Variants in BICRAL observed in about 807,000 individuals in gnomAD.
BICRAL encodes BRD4-interacting chromatin-remodeling complex-associated protein-like.
In BICRAL, 8 loss-of-function variants were observed where a neutral mutation model predicts 91.8. That is an observed-to-expected ratio of 0.09 (90% CI 0.05 to 0.16). BICRAL has a LOEUF of 0.16. Among genes scored for constraint, BICRAL ranks in the 10% least tolerant of loss-of-function variants. The probability of loss-of-function intolerance (pLI) is 1.00; values close to 1 mark genes in which losing one functional copy is unlikely to be tolerated. For synonymous variants in BICRAL, 445 were observed against 491.1 expected (o/e 0.91, Z 1.24); for missense variants, 1,038 against 1,310.9 (o/e 0.79, Z 3.21).
intron 11 of BICRAL, 111 bp downstream of exon 11, chr6:42,860,467 A>G: frequency 1.5e-6 from 1 of 645,388 alleles, no homozygotes; most frequent in Non-Finnish European, 2.7e-6. Context: ...AGTAACAGAT[A>G]TTTCACACTG....
intron 9 of BICRAL, among the ~76,000 whole-genome samples, chr6:42,856,817 G>C (rs769130120): frequency 6.6e-6 from 1 of 152,086 alleles, no homozygotes; most frequent in Non-Finnish European, 1.5e-5. Flanking sequence ...CATGAACTTA[G>C]TTGGCCAATG....
At chr6:42,862,436 T>G in intron 11 of BICRAL, 74 bp from the exon 12 acceptor site, 1 of 929,264 alleles carries the variant, frequency 1.1e-6, no homozygotes, top group Non-Finnish European at 1.8e-6. Flanking sequence ...TGTACCAATG[T>G]GTAAATTATT....
rs1279258742 is a variant in BICRAL, at chr6:42,830,183, T to G, written c.1839+11T>G. ...CAATTCTTCTGCCAGGTAATGCCCT[T>G]TCCCAAATAAATATTTGGCTGATTA... On this transcript the variant is annotated intron_variant, in intron 6 of 12. Transcript: ENST00000314073. 1.2e-6 allele frequency: 2 copies of G among 1,611,852 alleles called. No individual in the cohort carries two copies. Among genetic ancestry groups the G allele is most frequent in the East Asian group, 4.5e-5 (2 of 44,874 alleles).
intron 6 of BICRAL, among the ~76,000 whole-genome samples, chr6:42,840,797 G>A (rs1345263127): frequency 6.6e-6 from 1 of 151,852 alleles, no homozygotes; most frequent in Middle Eastern, 3.2e-3. Context: ...GAGCAGGCAG[G>A]GCGCAGTGGC....
intron 6 of BICRAL, among the ~76,000 whole-genome samples, chr6:42,835,479 A>G (rs1764612224): frequency 6.6e-6 from 1 of 151,732 alleles, no homozygotes; most frequent in African/African-American, 2.4e-5. Flanking sequence ...ATGTTTATTT[A>G]CTTACTTGTT....
chr6:42,833,331 A>G (rs1027214206), intron 6 of BICRAL, among the ~76,000 whole-genome samples: 14 of 152,016 alleles, frequency 9.2e-5, no homozygotes, highest in Admixed American at 9.2e-4. Context: ...TACAGGCGTG[A>G]GCCACCGCGC....
intron 2 of BICRAL, among the ~76,000 whole-genome samples, chr6:42,819,946 A>G (rs1477559429): frequency 1.3e-5 from 2 of 151,762 alleles, no homozygotes; most frequent in Non-Finnish European, 2.9e-5. Flanking sequence ...CAAGTGTTTG[A>G]CTCCCTGTTT....
At chr6:42,771,901 C>T (rs1762742569) in intron 1 of BICRAL, among the ~76,000 whole-genome samples, 1 of 152,066 alleles carries the variant, frequency 6.6e-6, no homozygotes, top group African/African-American at 2.4e-5. Context: ...CTCCAATATT[C>T]GCATTTCTGC....
At chr6:42,776,979 G>T (rs1285169760) in intron 1 of BICRAL, among the ~76,000 whole-genome samples, 1 of 152,124 alleles carries the variant, frequency 6.6e-6, no homozygotes, top group Admixed American at 6.5e-5. Flanking sequence ...TGCTTTTATT[G>T]CAAAAGCATT....
intron 1 of BICRAL, among the ~76,000 whole-genome samples, chr6:42,749,642 G>A (rs1762343700): frequency 6.6e-6 from 1 of 151,928 alleles, no homozygotes; most frequent in South Asian, 2.1e-4. Flanking sequence ...AATATCACAT[G>A]TACCTCATAA....
At chr6:42,825,339 C>T (rs1364830809) in intron 5 of BICRAL, among the ~76,000 whole-genome samples, 3 of 148,632 alleles carry the variant, frequency 2.0e-5, no homozygotes, top group South Asian at 2.1e-4. Flanking sequence ...CCGAGGTGGG[C>T]GGATCATGAG....
intron 6 of BICRAL, among the ~76,000 whole-genome samples, chr6:42,836,851 A>G (rs1055769739): frequency 1.3e-5 from 2 of 151,622 alleles, no homozygotes; most frequent in Non-Finnish European, 2.9e-5. Context: ...CAAACTCCTG[A>G]CCTAGTGCTC....
chr6:42,808,257 G>A (rs1464808257), intron 1 of BICRAL, among the ~76,000 whole-genome samples: 4 of 151,558 alleles, frequency 2.6e-5, no homozygotes, highest in African/African-American at 9.7e-5. Flanking sequence ...TCAGCCTCCC[G>A]AGTAGCTGGG....
At chr6:42,785,282 T>C (rs377653719) in intron 1 of BICRAL, among the ~76,000 whole-genome samples, 6 of 152,060 alleles carry the variant, frequency 3.9e-5, no homozygotes, top group African/African-American at 1.2e-4. Flanking sequence ...CCTTGAGGCC[T>C]GGCACGGTGG....
chr6:42,822,901 G>A, intron 4 of BICRAL, 34 bp from the exon 5 acceptor site: 3 of 1,540,626 alleles, frequency 1.9e-6, no homozygotes, highest in Non-Finnish European at 2.7e-6. Flanking sequence ...TACAGTTAAA[G>A]TAGTAACCAC....
rs1765388216 is a variant in BICRAL at position 42,857,158 on chromosome 6, C to G, written c.2176C>G (p.Leu726Val). The G allele has an allele frequency of 1.9e-6, 3 of 1,612,720 alleles. No homozygotes were observed. The highest frequency in any genetic ancestry group is 2.2e-5 in the East Asian group (1 of 44,896). ...ACCAGACAAAAGTCACTTCCGATCA[C>G]TAAGTGATGCGGTACAGAGACTGCT... ...VTPDKSHFRS[L>V]SDAVQRLLSY... The change falls in exon 10 of 13, where the codon CTA (leucine) becomes GTA (valine). Residue 726 changes from leucine (L) to valine (V), a missense_variant. Leu to Val is a conservative substitution (Grantham distance 32). This residue lies in a region of BICRAL where 294 missense variants were observed against 292.6 expected (regional missense o/e 1.00). Transcript: ENST00000314073.
At chr6:42,788,437 G>T (rs373865390) in intron 1 of BICRAL, among the ~76,000 whole-genome samples, 1 of 152,060 alleles carries the variant, frequency 6.6e-6, no homozygotes, top group East Asian at 1.9e-4. Context: ...AGCCAGGCTG[G>T]TCTCGAACTC....
intron 2 of BICRAL, among the ~76,000 whole-genome samples, chr6:42,814,526 T>A (rs369072874): frequency 0.19 from 20,249 of 108,276 alleles, 1,669 homozygotes; most frequent in South Asian, 0.29. Flanking sequence ...TATATTTTTT[T>A]TTTTTTTTTT....
At chr6:42,772,504 T>C (rs1463792560) in intron 1 of BICRAL, among the ~76,000 whole-genome samples, 1 of 152,144 alleles carries the variant, frequency 6.6e-6, no homozygotes, top group Non-Finnish European at 1.5e-5. Context: ...CACAGGGTAC[T>C]AGGAGAGGAC....
Sources: allele counts gnomAD v4.1 joint callset (sites outside exome capture counted in the v4.1 genomes callset), GRCh38; gene constraint gnomAD v4.1.1; regional missense constraint gnomAD v4.1.1; transcripts MANE v1.5; gene names NCBI Gene and HGNC (gene_info 2026-07-23, HGNC 2026-07-21).